RARB: variants seen among roughly 807,000 people sequenced by gnomAD.
RARB encodes HBV-activated protein.
In RARB, 17 loss-of-function variants were observed where a neutral mutation model predicts 51.9. That is an observed-to-expected ratio of 0.33 (90% confidence interval 0.22 to 0.49). The LOEUF (loss-of-function observed/expected upper bound fraction) is 0.49. Among genes scored for constraint, RARB ranks in the 20% least tolerant of loss-of-function variants. The pLI is 0.99. For synonymous variants in RARB, 215 were observed against 195.4 expected (o/e 1.10, Z -0.84); for missense variants, 369 against 550.8 (o/e 0.67, Z 3.30).
chr3:25,003,351 C>T (rs770598051), intron 2 of RARB, among the ~76,000 whole-genome samples: 3 of 151,928 alleles, frequency 2.0e-5, no homozygotes, highest in East Asian at 1.9e-4. Flanking sequence ...GGACCTGGAC[C>T]GAATGCAAGT....
At chr3:25,000,123 A>G (rs1409341404) in intron 2 of RARB, among the ~76,000 whole-genome samples, 1 of 152,148 alleles carries the variant, frequency 6.6e-6, no homozygotes, top group Non-Finnish European at 1.5e-5. Flanking sequence ...TTATGTTTAC[A>G]GAAGGATGAT....
intron 2 of RARB, among the ~76,000 whole-genome samples, chr3:24,935,730 T>C (rs1320164385): frequency 2.0e-5 from 3 of 152,160 alleles, no homozygotes; most frequent in Non-Finnish European, 4.4e-5. Flanking sequence ...GAAAATCTTG[T>C]TAAAATTCAA....
chr3:24,968,403 T>G (rs1220842543), intron 2 of RARB, among the ~76,000 whole-genome samples: 1 of 152,136 alleles, frequency 6.6e-6, no homozygotes. Flanking sequence ...GGTTAGAGAA[T>G]CAGTTAACTT....
chr3:25,268,721 G>C (rs985150070), intron 5 of RARB, among the ~76,000 whole-genome samples: 4 of 151,990 alleles, frequency 2.6e-5, no homozygotes, highest in Non-Finnish European at 5.9e-5. Context: ...ATTTCATTTT[G>C]GTTTCTCTCA....
At chr3:25,518,138 C>G (rs1698252020) in intron 3 of RARB, among the ~76,000 whole-genome samples, 1 of 152,080 alleles carries the variant, frequency 6.6e-6, no homozygotes, top group Non-Finnish European at 1.5e-5. Flanking sequence ...TGAATTGTAT[C>G]TTAATTTTAA....
intron 2 of RARB, among the ~76,000 whole-genome samples, chr3:24,975,238 A>G (rs752214822): frequency 4.6e-5 from 7 of 152,106 alleles, no homozygotes; most frequent in Admixed American, 2.6e-4. Flanking sequence ...TTCTAATTCT[A>G]TCTCCCTAAT....
At chr3:25,198,309 C>T (rs1266503802) in intron 5 of RARB, among the ~76,000 whole-genome samples, 1 of 151,972 alleles carries the variant, frequency 6.6e-6, no homozygotes, top group Non-Finnish European at 1.5e-5. Flanking sequence ...AAACCTCACA[C>T]TATGAAACAG....
intron 2 of RARB, among the ~76,000 whole-genome samples, chr3:25,034,493 T>A (rs1429350910): frequency 6.6e-6 from 1 of 152,206 alleles, no homozygotes; most frequent in African/African-American, 2.4e-5. Flanking sequence ...GACAGTGATT[T>A]CTCTAGGCAG....
chr3:25,283,426 C>T (rs557600611), intron 5 of RARB, among the ~76,000 whole-genome samples: 1 of 152,212 alleles, frequency 6.6e-6, no homozygotes, highest in Non-Finnish European at 1.5e-5. Flanking sequence ...CCTTCTCTAT[C>T]TCGGGCCTGA....
intron 5 of RARB, among the ~76,000 whole-genome samples, chr3:25,247,470 C>T (rs987505080): frequency 6.6e-6 from 1 of 152,228 alleles, no homozygotes; most frequent in African/African-American, 2.4e-5. Context: ...AAGGGAATCT[C>T]CTGGTCTGTG....
At chr3:25,586,033 A>C (rs984973070) in intron 5 of RARB, among the ~76,000 whole-genome samples, 3 of 152,020 alleles carry the variant, frequency 2.0e-5, no homozygotes, top group Non-Finnish European at 4.4e-5. Context: ...GAAGAGCTTG[A>C]CTGGAAATTC....
At chr3:25,315,451 A>G (rs373402355) in intron 5 of RARB, among the ~76,000 whole-genome samples, 101 of 152,310 alleles carry the variant, frequency 6.6e-4, no homozygotes, top group Middle Eastern at 3.4e-3. Context: ...GGGTCTGCAC[A>G]GTGAGTGGCT....
At chr3:25,219,557 G>A (rs550951644) in intron 5 of RARB, among the ~76,000 whole-genome samples, 12 of 152,284 alleles carry the variant, frequency 7.9e-5, no homozygotes, top group Admixed American at 7.2e-4. Flanking sequence ...AAGGGAGTGG[G>A]GAGGGAAGTG....
chr3:25,498,921 T>A (rs1308435484), intron 2 of RARB, among the ~76,000 whole-genome samples: 1 of 152,172 alleles, frequency 6.6e-6, no homozygotes, highest in African/African-American at 2.4e-5. Flanking sequence ...TCTGCACAGA[T>A]TCTGGGAGGA....
intron 2 of RARB, among the ~76,000 whole-genome samples, chr3:25,490,635 T>C (rs566753244): frequency 9.9e-5 from 15 of 152,212 alleles, no homozygotes; most frequent in African/African-American, 3.6e-4. Context: ...GATTTAGTAA[T>C]TAATGTACAA....
intron 4 of RARB, among the ~76,000 whole-genome samples, chr3:25,577,820 C>G (rs1701000214): frequency 6.6e-6 from 1 of 152,202 alleles, no homozygotes; most frequent in South Asian, 2.1e-4. Flanking sequence ...TAGGGTTGGG[C>G]TTTTCTGCTG....
At chr3:25,202,684 T>C (rs1234826053) in intron 5 of RARB, among the ~76,000 whole-genome samples, 3 of 152,318 alleles carry the variant, frequency 2.0e-5, no homozygotes, top group African/African-American at 7.2e-5. Flanking sequence ...GCCTTCATTT[T>C]GTTATATACC....
intron 5 of RARB, among the ~76,000 whole-genome samples, chr3:25,354,536 A>G (rs1463600514): frequency 1.3e-5 from 2 of 152,154 alleles, no homozygotes; most frequent in Non-Finnish European, 2.9e-5. Flanking sequence ...GCCATGGAAT[A>G]CCTTCCCATG....
intron 4 of RARB, among the ~76,000 whole-genome samples, chr3:25,577,329 C>G (rs571547994): frequency 3.3e-5 from 5 of 152,232 alleles, no homozygotes; most frequent in East Asian, 3.9e-4. Context: ...AGTCGGTGAT[C>G]GTTAAGCATG....
Sources: allele counts gnomAD v4.1 joint callset (sites outside exome capture counted in the v4.1 genomes callset), GRCh38; gene constraint gnomAD v4.1.1; transcripts MANE v1.5; gene names NCBI Gene and HGNC (gene_info 2026-07-23, HGNC 2026-07-21).